The following NCOR2 variants were observed in gnomAD, a reference collection of about 807,000 sequenced individuals.
The protein encoded by NCOR2 is CTG repeat protein 26.
Under a neutral mutation model 262.9 loss-of-function variants are expected in NCOR2, and 81 were observed. The ratio of observed to expected loss-of-function variants is 0.31; its 90% CI spans 0.26 to 0.37. NCOR2 has a LOEUF of 0.37. Ranked by LOEUF, NCOR2 falls within the 10% of genes least tolerant of loss-of-function variation. NCOR2 has a pLI of 1.00. For synonymous variants in NCOR2, 1,659 were observed against 1,559.3 expected (o/e 1.06, Z -1.51); for missense variants, 3,385 against 3,621.4 (o/e 0.93, Z 1.68).
chr12:124,337,086 T>G lies in NCOR2; in HGVS notation c.5782A>C (p.Thr1928Pro), dbSNP rs764393795. 19 of 1,496,562 alleles carry G rather than the reference T, an allele frequency of 1.3e-5. No individual in the cohort carries two copies. Among genetic ancestry groups the G allele is most frequent in the Non-Finnish European group, 1.3e-5 (15 of 1,121,516 alleles). 92.7% of individuals were successfully genotyped at this position (1,496,562 alleles called of 1,614,324 possible). A position where few individuals can be genotyped will look rare whatever the true frequency, so the allele number is the denominator to read the frequency against. The change falls in exon 38 of 47, where the codon ACC becomes CCC. Residue 1928 changes from threonine (T) to proline (P), a missense_variant. Around this residue, in one of 5 missense-constraint regions of NCOR2, gnomAD observed 1,017 missense variants for 967.2 expected, o/e 1.05. Coordinates refer to ENST00000405201, the Ensembl canonical transcript of NCOR2. ...GGCAGCAAGACGGGCTCCATGAGGGTAGGGTAGACCCCATCGAGGGTGCCG... is the reference window on the plus strand; with the variant it reads ...GGCAGCAAGACGGGCTCCATGAGGGGAGGGTAGACCCCATCGAGGGTGCCG...
At chr12:124,419,081 T>C (rs2043069522) in intron 13 of NCOR2, among the ~76,000 whole-genome samples, 1 of 152,108 alleles carries the variant, frequency 6.6e-6, no homozygotes, top group East Asian at 1.9e-4. Context: ...AGACGATGCT[T>C]CAAGAGCCCG....
chr12:124,325,644 C>T (rs374546110), intron 46 of NCOR2, 61 bp from the exon 49 acceptor site: 107 of 1,152,466 alleles, frequency 9.3e-5, no homozygotes, highest in Non-Finnish European at 1.1e-4. Flanking sequence ...CCCTGCTGGC[C>T]GCCTGCCCAC....
intron 1 of NCOR2, among the ~76,000 whole-genome samples, chr12:124,564,072 T>C (rs1448912006): frequency 6.6e-6 from 1 of 152,226 alleles, no homozygotes. Flanking sequence ...ACAAGCAGAT[T>C]TGCGTAGAGC....
chr12:124,483,100 G>A lies in NCOR2; in HGVS notation c.411+496C>T, dbSNP rs1337789846. Among the ~76,000 whole-genome samples the A allele has an allele frequency of 1.3e-5, 2 of 152,108 alleles. No homozygotes were observed. Among genetic ancestry groups the A allele is most frequent in the Non-Finnish European group, 2.9e-5 (2 of 67,986 alleles). ...CGGGCCGGGGTTCAAGGCCCAGGGG[G>A]CTGCCTGCTGTGCAGGGCTCGAGGC... On this transcript the variant is annotated intron_variant, in intron 3 of 46. Transcript: ENST00000405201. This position sits in a 1 kb window ranked among gnomAD's most constrained non-coding sequence, Gnocchi z 6.3.
chr12:124,339,951 CCTA>C (rs1374084265), intron 37 of NCOR2, 52 bp downstream of exon 39: 1 of 1,363,250 alleles, frequency 7.3e-7, no homozygotes, highest in Non-Finnish European at 9.8e-7. Context: ...TGCTCATCCT[CCTA>C]CTGACCACCC....
At chr12:124,449,864 G>A in exon 7 of NCOR2, 2 of 1,614,024 alleles carry the variant, frequency 1.2e-6, no homozygotes, top group Non-Finnish European at 8.5e-7. Context: ...TGGTTGTACA[G>A]CGGCTGCAAA....
upstream of NCOR2, among the ~76,000 whole-genome samples, chr12:124,496,976 C>G (rs542702470): frequency 6.6e-6 from 1 of 152,210 alleles, no homozygotes; most frequent in Non-Finnish European, 1.5e-5. The surrounding 1 kb of genome is among the most constrained non-coding windows in gnomAD (Gnocchi z 4.4). Context: ...CTGAGACCCA[C>G]GCCCACCGGC....
exon 38 of NCOR2, chr12:124,337,015 G>A: frequency 6.6e-7 from 1 of 1,506,670 alleles, no homozygotes; most frequent in South Asian, 1.4e-5. Flanking sequence ...CATGGCCGGT[G>A]TCTGCTCGGG....
intron 12 of NCOR2, among the ~76,000 whole-genome samples, chr12:124,421,378 T>C (rs73225423): frequency 0.039 from 5,901 of 152,304 alleles, 159 homozygotes; most frequent in Non-Finnish European, 0.059. Flanking sequence ...AATGCTTCCA[T>C]CCTGGGGAGC....
chr12:124,458,199 T>C (rs2045981072), intron 5 of NCOR2, among the ~76,000 whole-genome samples: 1 of 152,134 alleles, frequency 6.6e-6, no homozygotes, highest in African/African-American at 2.4e-5. Context: ...CCAAACCAGA[T>C]TGGCCAAAAG....
At chr12:124,554,748 G>T (rs1409912963) in intron 1 of NCOR2, among the ~76,000 whole-genome samples, 1 of 152,254 alleles carries the variant, frequency 6.6e-6, no homozygotes, top group East Asian at 1.9e-4. Flanking sequence ...CTGCGGCAAG[G>T]GGGCAGCGCC....
chr12:124,430,836 C>A, intron 8 of NCOR2, 49 bp from the exon 11 acceptor site: 6 of 1,545,994 alleles, frequency 3.9e-6, no homozygotes, highest in Non-Finnish European at 5.2e-6. Flanking sequence ...CACCTGGCAC[C>A]CGCCGCCTCC....
chr12:124,565,223 G>A (rs1320041099), intron 1 of NCOR2, among the ~76,000 whole-genome samples: 3 of 152,102 alleles, frequency 2.0e-5, no homozygotes, highest in Non-Finnish European at 2.9e-5. Flanking sequence ...GTGGGAAGAG[G>A]CCAGGGCTGG....
At chr12:124,325,322 G>A (rs552877867) in exon 47 of NCOR2, 39 of 1,010,332 alleles carry the variant, frequency 3.9e-5, no homozygotes, top group South Asian at 2.5e-4. Context: ...TGGGGGAGTC[G>A]GCAGCCGCCC....
chr12:124,474,893 C>G lies in NCOR2; in HGVS notation c.412-1762G>C, dbSNP rs574571620. On this transcript the variant is annotated intron_variant, in intron 3 of 46. Coordinates refer to ENST00000405201, the Ensembl canonical transcript of NCOR2. The stretch of plus-strand genomic sequence containing the variant: ...CCAGGCCACCACCTCCCCGCCCCCG[C>G]AGCAGCTGCACCCAGAGGACACAGG... Among the ~76,000 whole-genome samples the G allele has an allele frequency of 5.9e-5, 9 of 152,236 alleles. No homozygotes were observed. The South Asian group carries it at 1.0e-3, about 18-fold the overall frequency.
chr12:124,499,610 G>T (rs370674783), upstream of NCOR2, among the ~76,000 whole-genome samples: 1 of 152,232 alleles, frequency 6.6e-6, no homozygotes, highest in African/African-American at 2.4e-5. Flanking sequence ...CCCGCCAGGC[G>T]GTGAGCACAG....
At chr12:124,345,697 C>T (rs2036864584) in intron 31 of NCOR2, among the ~76,000 whole-genome samples, 1 of 152,204 alleles carries the variant, frequency 6.6e-6, no homozygotes, top group African/African-American at 2.4e-5. Context: ...CCAAGGACTC[C>T]ATAATTGCCT....
intron 16 of NCOR2, among the ~76,000 whole-genome samples, chr12:124,387,233 T>TTCAC (rs2040873428): frequency 8.0e-6 from 1 of 124,914 alleles, no homozygotes. Context: ...CATTCATTCA[T>TTCAC]CCACCCACCC....
At chr12:124,511,491 G>A (rs532553623) in intron 1 of NCOR2, among the ~76,000 whole-genome samples, 10 of 152,326 alleles carry the variant, frequency 6.6e-5, no homozygotes, top group Admixed American at 2.0e-4. Flanking sequence ...GGTTCTGCAG[G>A]AGTCACCAGA....
Sources: allele counts gnomAD v4.1 joint callset (sites outside exome capture counted in the v4.1 genomes callset), GRCh38; gene constraint gnomAD v4.1.1; regional missense constraint gnomAD v4.1.1; non-coding constraint Gnocchi (gnomAD v3.1); transcripts MANE v1.5; gene names NCBI Gene and HGNC (gene_info 2026-07-23, HGNC 2026-07-21).